Variants in SKP1 observed in about 807,000 individuals in gnomAD.
SKP1 encodes S-phase kinase associated protein 1.
SKP1 carries 1 observed loss-of-function variant against 21.5 expected under a neutral mutation model. The observed-to-expected ratio is 0.05, with a 90% CI of 0.02 to 0.22. SKP1 has a LOEUF of 0.22. Among genes scored for constraint, SKP1 ranks in the 10% least tolerant of loss-of-function variants. The pLI is 1.00. For synonymous variants in SKP1, 59 were observed against 59.3 expected (o/e 0.99, Z 0.03); for missense variants, 70 against 192.0 (o/e 0.36, Z 3.76).
rs1256070723 is a variant in SKP1, at chr5:134,154,935, C to G, written c.*2798G>C. 1 of 152,176 alleles carries G rather than the reference C, an allele frequency of 6.6e-6. No individual in the cohort carries two copies. Among genetic ancestry groups the G allele is most frequent in the Non-Finnish European group, 1.5e-5 (1 of 68,030 alleles). The allele number at this position is 152,176 out of a possible 1,614,324, so 9.4% of individuals were successfully genotyped here. ...CCTCTCATGCATTAAAACTACTCTT[C>G]TTGTTTTCATTATGCCCTGTACCTG... On this transcript the variant is annotated 3_prime_UTR_variant, in exon 6 of 6. Transcript: ENST00000353411.
chr5:134,169,082 G>T (rs1188402418), intron 2 of SKP1, among the ~76,000 whole-genome samples: 1 of 152,126 alleles, frequency 6.6e-6, no homozygotes. Flanking sequence ...AGGGTGTGAG[G>T]TAAGCAGTAA....
Position 134,157,752 on chromosome 5 carries a change from T to A in SKP1, c.473A>T (p.Gln158Leu), listed in dbSNP as rs1761144722. 6.2e-7 allele frequency: 1 copy of A among 1,613,274 alleles called. No homozygotes were observed. Among genetic ancestry groups the A allele is most frequent in the Non-Finnish European group, 8.5e-7 (1 of 1,179,332 alleles). The change falls in exon 6 of 6, where the codon CAG becomes CTG. Residue 158 changes from glutamine (Q) to leucine (L), a missense_variant. By Grantham distance (113) the Gln-to-Leu change is moderately radical (BLOSUM62 -2). Coordinates refer to ENST00000353411, the MANE Select transcript of SKP1 (RefSeq NM_170679.3). ...EEEAQVRKENQWCEEK is the reference protein window; with the variant it reads ...EEEAQVRKENLWCEEK ...AACATTTCACTTCTCTTCACACCAC[T>A]GGTTCTCTTTGCGTACCTAAAAGAG...
intron 2 of SKP1, among the ~76,000 whole-genome samples, chr5:134,168,313 T>G (rs1180716418): frequency 1.1e-4 from 17 of 152,122 alleles, no homozygotes; most frequent in Non-Finnish European, 2.5e-4. Context: ...TCTCAATCTA[T>G]TCAAATCTGA....
chr5:134,158,808 T>C (rs1220757161), intron 4 of SKP1, among the ~76,000 whole-genome samples: 1 of 152,234 alleles, frequency 6.6e-6, no homozygotes, highest in Non-Finnish European at 1.5e-5. Flanking sequence ...TCTGCTTCCT[T>C]AACCAAACTA....
At chr5:134,161,558 A>G (rs6596167) in intron 3 of SKP1, 12,572 of 153,110 alleles carry the variant, frequency 0.082, 602 homozygotes, top group Admixed American at 0.15. Context: ...TAGAAGCAAA[A>G]CTAACACTAC....
intron 3 of SKP1, among the ~76,000 whole-genome samples, chr5:134,162,169 G>A (rs752528095): frequency 9.9e-5 from 15 of 152,050 alleles, no homozygotes; most frequent in Admixed American, 1.3e-4. Context: ...ATGCAGTGCC[G>A]CGATCATGGC....
intron 3 of SKP1, among the ~76,000 whole-genome samples, chr5:134,163,427 T>C (rs17167344): frequency 0.047 from 7,136 of 151,396 alleles, 481 homozygotes; most frequent in African/African-American, 0.15. Context: ...TGTACTTCCA[T>C]AGTTTTGGCA....
At chr5:134,165,585 C>CAA (rs10707716) in intron 3 of SKP1, among the ~76,000 whole-genome samples, 1 of 97,682 alleles carries the variant, frequency 1.0e-5, no homozygotes, top group African/African-American at 3.8e-5. Flanking sequence ...GTGTCTGTCT[C>CAA]AAAAAAAAAA....
intron 1 of SKP1, among the ~76,000 whole-genome samples, chr5:134,176,062 T>G (rs1179574794): frequency 6.6e-6 from 1 of 152,214 alleles, no homozygotes; most frequent in Non-Finnish European, 1.5e-5. Context: ...GAAAAATGCA[T>G]GTCCCTAAAA....
intron 2 of SKP1, among the ~76,000 whole-genome samples, chr5:134,172,813 C>A (rs1761468881): frequency 1.3e-5 from 2 of 151,714 alleles, no homozygotes; most frequent in South Asian, 4.2e-4. Flanking sequence ...AAGATCGAGA[C>A]CAGCCTGACA....
chr5:134,151,711 G>A lies in SKP1; in HGVS notation c.*6022C>T. The stretch of plus-strand genomic sequence containing the variant: ...CGCAAGAACTACAGATGTGGAAGCA[G>A]ACACTGTTATGAGCAACTACATTCC... On this transcript the variant is annotated 3_prime_UTR_variant, in exon 6 of 6. Coordinates refer to ENST00000353411, the MANE Select transcript of SKP1 (RefSeq NM_170679.3). 1 of 456,178 alleles carries A rather than the reference G, an allele frequency of 2.2e-6. No individual in the cohort carries two copies. The highest frequency in any genetic ancestry group is 4.4e-6 in the Non-Finnish European group (1 of 226,878). The allele number at this position is 456,178 out of a possible 1,614,324, so 28.3% of individuals were successfully genotyped here. A position where few individuals can be genotyped will look rare whatever the true frequency, so the allele number is the denominator to read the frequency against.
intron 3 of SKP1, among the ~76,000 whole-genome samples, chr5:134,162,575 T>G (rs570388726): frequency 1.3e-5 from 2 of 152,078 alleles, no homozygotes; most frequent in African/African-American, 4.8e-5. Flanking sequence ...CCAGCTAATT[T>G]TTTTTTATTT....
chr5:134,163,897 T>A (rs1761275225), intron 3 of SKP1, among the ~76,000 whole-genome samples: 4 of 152,198 alleles, frequency 2.6e-5, no homozygotes, highest in Non-Finnish European at 5.9e-5. Flanking sequence ...ATCTACTCAC[T>A]TCTTGCTCTA....
At chr5:134,172,575 A>C (rs1399133626) in intron 2 of SKP1, among the ~76,000 whole-genome samples, 1 of 151,982 alleles carries the variant, frequency 6.6e-6, no homozygotes, top group Non-Finnish European at 1.5e-5. Context: ...CTTGTTTAAA[A>C]AAAAAAAAAA....
chr5:134,157,587 C>T lies in SKP1; in HGVS notation c.*146G>A. The T allele has an allele frequency of 4.1e-6, 3 of 731,494 alleles. No individual in the cohort carries two copies. The highest frequency in any genetic ancestry group is 4.0e-5 in the Admixed American group (2 of 49,632). The allele number at this position is 731,494 out of a possible 1,614,324, so 45.3% of individuals were successfully genotyped here. ...GTTTGGGATCTGTGCTCAAACTACA[C>T]ATGCAATGAGGACAATATTCTGCTA... On this transcript the variant is annotated 3_prime_UTR_variant, in exon 6 of 6. Transcript: ENST00000353411.
intron 2 of SKP1, among the ~76,000 whole-genome samples, chr5:134,171,768 G>GA (rs774725365): frequency 6.6e-6 from 1 of 152,202 alleles, no homozygotes; most frequent in Non-Finnish European, 1.5e-5. Context: ...ACCTCGGCTG[G>GA]GCTTAGTGGC....
chr5:134,160,935 A>T, intron 4 of SKP1, 52 bp downstream of exon 4: 1 of 1,283,904 alleles, frequency 7.8e-7, no homozygotes, highest in Non-Finnish European at 1.1e-6. Flanking sequence ...TAAATCTATA[A>T]GAAGTGTTTA....
At chr5:134,163,828 C>T (rs555317247) in intron 3 of SKP1, among the ~76,000 whole-genome samples, 2 of 152,050 alleles carry the variant, frequency 1.3e-5, no homozygotes, top group Admixed American at 1.3e-4. Flanking sequence ...CCCCAAAAAC[C>T]AAGCACTTCT....
Position 134,149,833 on chromosome 5 carries a change from T to C in SKP1, c.*7900A>G. 1 of 150,794 alleles carries C rather than the reference T, an allele frequency of 6.6e-6. No individual in the cohort carries two copies. The highest frequency in any genetic ancestry group is 1.9e-4 in the East Asian group (1 of 5,186). The allele number at this position is 150,794 out of a possible 1,614,324, so 9.3% of individuals were successfully genotyped here. On this transcript the variant is annotated 3_prime_UTR_variant, in exon 6 of 6. Transcript: ENST00000353411. ...GGCGGGGAAGTCTTTGGCAACTCTG[T>C]TTAAATCAGATCAGCTTTTTTTTTT...
Sources: gnomAD v4.1 joint callset for allele counts (sites outside exome capture counted in the v4.1 genomes callset) on GRCh38, gnomAD v4.1.1 for gene constraint, MANE v1.5 for transcripts, NCBI Gene and HGNC (gene_info 2026-07-23, HGNC 2026-07-21) for gene names.